MTMR9: variants seen among roughly 807,000 people sequenced by gnomAD.
The protein encoded by MTMR9 is myotubularin related protein 9, also known as myotubularin-related protein 9.
MTMR9 carries 39 observed loss-of-function variants against 69.5 expected under a neutral mutation model. That is an observed-to-expected ratio of 0.56 (90% confidence interval 0.43 to 0.73). MTMR9 has a LOEUF of 0.73. MTMR9 is among the 30% of genes least tolerant of loss of function. The pLI, the probability that MTMR9 is intolerant of heterozygous loss-of-function variation, is 0.00. For missense variants in MTMR9, 900 were observed against 671.2 expected, an observed-to-expected ratio of 1.34 and a Z score of -3.77; for synonymous variants, 354 against 240.8, an observed-to-expected ratio of 1.47 and a Z score of -4.35.
intron 3 of MTMR9, among the ~76,000 whole-genome samples, chr8:11,301,891 CAG>C (rs1032133822): frequency 6.6e-6 from 1 of 151,996 alleles, no homozygotes; most frequent in African/African-American, 2.4e-5. Context: ...GATGGAAAAA[CAG>C]AGAGGTTAGA....
intron 6 of MTMR9, 77 bp downstream of exon 6, chr8:11,309,765 A>G (rs889085127): frequency 4.7e-6 from 7 of 1,499,888 alleles, no homozygotes; most frequent in Non-Finnish European, 6.3e-6. Flanking sequence ...ACATATGTTT[A>G]TAGATTATGT....
At chr8:11,313,764 C>G (rs1306065472) in intron 6 of MTMR9, among the ~76,000 whole-genome samples, 1 of 152,080 alleles carries the variant, frequency 6.6e-6, no homozygotes, top group Non-Finnish European at 1.5e-5. Context: ...CCTGATGCCC[C>G]CAAAACTTGT....
At chr8:11,311,637 A>G (rs1029816022) in intron 6 of MTMR9, among the ~76,000 whole-genome samples, 1 of 152,232 alleles carries the variant, frequency 6.6e-6, no homozygotes, top group Non-Finnish European at 1.5e-5. Flanking sequence ...TTGCCTCCCC[A>G]TTGATGGCTG....
the MTMR9 span, among the ~76,000 whole-genome samples, chr8:11,333,183 T>C: frequency 2.0e-5 from 3 of 151,952 alleles, no homozygotes; most frequent in Non-Finnish European, 4.4e-5. Context: ...TACCATAAAC[T>C]CAAAGAGATT....
chr8:11,285,810 G>C (rs1213165835), intron 1 of MTMR9, among the ~76,000 whole-genome samples: 1 of 152,122 alleles, frequency 6.6e-6, no homozygotes, highest in Admixed American at 6.5e-5. Flanking sequence ...AGCCAGGAGA[G>C]GGCAAACTGA....
chr8:11,299,923 T>C, intron 2 of MTMR9, 100 bp from the exon 3 acceptor site: 1 of 1,350,060 alleles, frequency 7.4e-7, no homozygotes, highest in Non-Finnish European at 1.0e-6. Context: ...TGGGTGCCCA[T>C]CATTATTAGA....
rs74651822 is a variant in MTMR9 at position 11,306,918 on chromosome 8, G to C, written c.809+511G>C. On this transcript the variant is annotated intron_variant, in intron 5 of 9. Coordinates refer to ENST00000221086, the MANE Select transcript of MTMR9 (RefSeq NM_015458.4). ...TCTGGCAACCACCATTCTACTCTCTGTTTCTATGAGTTTAACTTGTTTAGA... is the reference window on the plus strand; with the variant it reads ...TCTGGCAACCACCATTCTACTCTCTCTTTCTATGAGTTTAACTTGTTTAGA... 5.1e-3 allele frequency among the ~76,000 whole-genome samples: 780 copies of C among 152,104 alleles called. 7 individuals carry two copies. The highest frequency in any genetic ancestry group is 0.018 in the African/African-American group (754 of 41,490).
In MTMR9 at chr8:11,327,318, A is replaced by T. The variant is rs1018538807; in HGVS notation, c.*4530A>T. 2 of 152,228 alleles carry T rather than the reference A, an allele frequency of 1.3e-5. No homozygotes were observed. The highest frequency in any genetic ancestry group is 2.4e-5 in the African/African-American group (1 of 41,446). 9.4% of individuals were successfully genotyped at this position (152,228 alleles called of 1,614,324 possible). A position where few individuals can be genotyped will look rare whatever the true frequency, so the allele number is the denominator to read the frequency against. ...TAATGAGGCTCACTGTAAACACTAC[A>T]TTGTCCTGCAAAGTAATTCTGATGA... On this transcript the variant is annotated 3_prime_UTR_variant, in exon 10 of 10. Coordinates refer to ENST00000221086, the MANE Select transcript of MTMR9 (RefSeq NM_015458.4).
chr8:11,327,617 ATG>A lies in MTMR9; in HGVS notation c.*4833_*4834del, dbSNP rs775737478. ...AGAACTTAGTTTATAAAAACAAAGA[ATG>A]TGTATTTCTTCAATAGCCGGGTATT... is the stretch of plus-strand genomic sequence containing the variant. On this transcript the variant is annotated 3_prime_UTR_variant, in exon 10 of 10. Coordinates refer to ENST00000221086, the MANE Select transcript of MTMR9 (RefSeq NM_015458.4). The A allele has an allele frequency of 1.8e-4, 28 of 152,686 alleles. No homozygotes were observed. Among genetic ancestry groups the A allele is most frequent in the Non-Finnish European group, 4.1e-4 (28 of 68,040 alleles). 9.5% of individuals were successfully genotyped at this position (152,686 alleles called of 1,614,324 possible). A position where few individuals can be genotyped will look rare whatever the true frequency, so the allele number is the denominator to read the frequency against.
chr8:11,330,049 C>G (rs919150656), downstream of MTMR9, among the ~76,000 whole-genome samples: 1 of 151,612 alleles, frequency 6.6e-6, no homozygotes, highest in Non-Finnish European at 1.5e-5. Flanking sequence ...GCAGCCGCCC[C>G]GTCTGGGAAG....
downstream of MTMR9, chr8:11,331,909 CAT>C (rs1476351204): frequency 1.9e-6 from 3 of 1,611,920 alleles, no homozygotes; most frequent in Admixed American, 1.7e-5. Context: ...GTCTCCTTCA[CAT>C]GTGTGGGCTA....
At chr8:11,291,373 A>G (rs2117357710) in intron 1 of MTMR9, among the ~76,000 whole-genome samples, 1 of 152,246 alleles carries the variant, frequency 6.6e-6, no homozygotes, top group South Asian at 2.1e-4. Context: ...CATTATAAGA[A>G]ATAAACATAT....
chr8:11,296,276 G>T (rs1799556876), intron 2 of MTMR9, among the ~76,000 whole-genome samples: 1 of 152,096 alleles, frequency 6.6e-6, no homozygotes, highest in Non-Finnish European at 1.5e-5. Context: ...TAGGGCTGTT[G>T]TAAGAATTTT....
At chr8:11,328,866 G>C (rs774099525), downstream of MTMR9, among the ~76,000 whole-genome samples, 2 of 152,186 alleles carry the variant, frequency 1.3e-5, no homozygotes, top group Non-Finnish European at 2.9e-5. Flanking sequence ...TCCAGAAACA[G>C]CACCACTGTT....
intron 8 of MTMR9, chr8:11,319,128 G>C (rs1310193636): frequency 6.6e-6 from 1 of 151,744 alleles, no homozygotes; most frequent in Non-Finnish European, 1.5e-5. Flanking sequence ...ATTAGAAAGT[G>C]GTTATCAAAC....
At chr8:11,295,646 A>G (rs1204594116) in intron 2 of MTMR9, among the ~76,000 whole-genome samples, 1 of 152,220 alleles carries the variant, frequency 6.6e-6, no homozygotes, top group Non-Finnish European at 1.5e-5. Flanking sequence ...AAACCATTAG[A>G]AGATTTAGTA....
chr8:11,290,560 C>T (rs553380528), intron 1 of MTMR9, among the ~76,000 whole-genome samples: 35 of 152,218 alleles, frequency 2.3e-4, no homozygotes, highest in African/African-American at 7.9e-4. Context: ...CATTTTCTTC[C>T]ATAATAGCTT....
chr8:11,336,249 A>T, the MTMR9 span, among the ~76,000 whole-genome samples: 1 of 152,172 alleles, frequency 6.6e-6, no homozygotes, highest in African/African-American at 2.4e-5. Flanking sequence ...GAGGAAGTCC[A>T]TGTTGCTGAG....
intron 1 of MTMR9, among the ~76,000 whole-genome samples, chr8:11,291,693 A>T (rs1799385432): frequency 6.6e-6 from 1 of 151,978 alleles, no homozygotes; most frequent in Non-Finnish European, 1.5e-5. Context: ...TAGCAACTAC[A>T]TAAAACCTGC....
Sources: gnomAD v4.1 joint callset for allele counts (sites outside exome capture counted in the v4.1 genomes callset) on GRCh38, gnomAD v4.1.1 for gene constraint, MANE v1.5 for transcripts, NCBI Gene and HGNC (gene_info 2026-07-23, HGNC 2026-07-21) for gene names.